PRKN: variants seen among roughly 807,000 people sequenced by gnomAD.
PRKN encodes the protein parkin RBR E3 ubiquitin protein ligase, also known as E3 ubiquitin-protein ligase parkin.
PRKN carries 56 observed loss-of-function variants against 59.5 expected under a neutral mutation model. That is an observed-to-expected ratio of 0.94 (90% CI 0.76 to 1.18). The LOEUF (loss-of-function observed/expected upper bound fraction) is 1.18, where lower values mean the gene tolerates loss of function less well. Among genes scored for constraint, PRKN ranks in the 50% most tolerant of loss-of-function variants. The probability of loss-of-function intolerance (pLI) is 0.00; values close to 1 mark genes in which losing one functional copy is unlikely to be tolerated. For missense variants in PRKN, 657 were observed against 596.4 expected (o/e 1.10, Z -1.06); for synonymous variants, 250 against 222.1 (o/e 1.13, Z -1.12).
intron 1 of PRKN, among the ~76,000 whole-genome samples, chr6:162,694,236 C>CAA (rs149337714): frequency 0.076 from 7,084 of 93,296 alleles, 500 homozygotes; most frequent in East Asian, 0.23. Flanking sequence ...AACAGTGAGA[C>CAA]AAAAAAAAAA....
intron 7 of PRKN, among the ~76,000 whole-genome samples, chr6:161,663,160 G>C (rs984002911): frequency 5.3e-5 from 8 of 152,196 alleles, no homozygotes; most frequent in Non-Finnish European, 8.8e-5. Flanking sequence ...CCAGTCACGT[G>C]GAACTGTGAG....
intron 2 of PRKN, among the ~76,000 whole-genome samples, chr6:162,419,511 G>C (rs1199309611): frequency 1.3e-5 from 2 of 148,268 alleles, no homozygotes; most frequent in Admixed American, 6.8e-5. Flanking sequence ...AAGAAACTGA[G>C]GCACACTAAG....
In PRKN at chr6:161,414,410, A is replaced by G. The variant is rs1436887080; in HGVS notation, c.1084-27533T>C. On this transcript the variant is annotated intron_variant, in intron 9 of 11. Coordinates refer to ENST00000366898, the MANE Select transcript of PRKN (RefSeq NM_004562.3). This position sits in a 1 kb window ranked among gnomAD's most constrained non-coding sequence, Gnocchi z 5.3. The stretch of plus-strand genomic sequence containing the variant: ...CCAGGCAAAGGTTTCTGCCTGAGAC[A>G]GTCCTTGGCCTCCAGCCACGGCTTC... 6.6e-6 allele frequency among the ~76,000 whole-genome samples: 1 copy of G among 152,218 alleles called. No individual in the cohort carries two copies. Among genetic ancestry groups the G allele is most frequent in the African/African-American group, 2.4e-5 (1 of 41,440 alleles).
At chr6:162,569,490 G>C (rs931130560) in intron 1 of PRKN, 1 of 690,938 alleles carries the variant, frequency 1.4e-6, no homozygotes, top group Non-Finnish European at 2.7e-6. Context: ...CTGGAGTCTG[G>C]GATGCAGAAC....
intron 1 of PRKN, among the ~76,000 whole-genome samples, chr6:162,724,499 T>C (rs1014325757): frequency 1.3e-5 from 2 of 152,242 alleles, no homozygotes; most frequent in Non-Finnish European, 2.9e-5. Context: ...AGGAAACCCA[T>C]CTTTACGTTT....
In PRKN at chr6:161,378,339, C is replaced by T. The variant is rs1489797076; in HGVS notation, c.1167+8455G>A. Among the ~76,000 whole-genome samples, 2 of 152,170 alleles carry T rather than the reference C, an allele frequency of 1.3e-5. No homozygotes were observed. The highest frequency in any genetic ancestry group is 2.9e-5 in the Non-Finnish European group (2 of 68,026). The stretch of plus-strand genomic sequence containing the variant: ...GGAAGCGTGGTGGTGAGGTGAAGCC[C>T]TGCCAGGCCCCCCAGCTCGGGCATC... On this transcript the variant is annotated intron_variant, in intron 10 of 11. Transcript: ENST00000366898. This position sits in a 1 kb window ranked among gnomAD's most constrained non-coding sequence, Gnocchi z 7.3.
intron 4 of PRKN, among the ~76,000 whole-genome samples, chr6:162,181,781 C>G (rs1358653766): frequency 6.6e-6 from 1 of 152,166 alleles, no homozygotes; most frequent in African/African-American, 2.4e-5. Flanking sequence ...CAGCTTCCAA[C>G]TATCCCTGCC....
chr6:161,800,297 C>T (rs1583180311), intron 6 of PRKN, among the ~76,000 whole-genome samples: 2 of 152,254 alleles, frequency 1.3e-5, no homozygotes, highest in East Asian at 3.9e-4. Context: ...CCTAGCTTTG[C>T]TTTCCTACTA....
intron 5 of PRKN, among the ~76,000 whole-genome samples, chr6:162,021,119 CATATATATATATATATATATAT>C (rs869269519): frequency 0.2 from 9,123 of 46,546 alleles, 1,343 homozygotes; most frequent in Middle Eastern, 0.44. Context: ...AAAACAAAAA[CATATATATATATATATATATAT>C]ATATATATAT....
chr6:162,514,404 T>A (rs1777758351), intron 1 of PRKN, among the ~76,000 whole-genome samples: 1 of 152,170 alleles, frequency 6.6e-6, no homozygotes, highest in Non-Finnish European at 1.5e-5. Context: ...TGAGTCGCCC[T>A]GTATGATAAA....
intron 3 of PRKN, among the ~76,000 whole-genome samples, chr6:162,215,506 T>C (rs767068790): frequency 1.3e-5 from 2 of 152,210 alleles, no homozygotes; most frequent in African/African-American, 4.8e-5. Context: ...CAGCTTCTGT[T>C]ATCTGGTGAT....
intron 1 of PRKN, among the ~76,000 whole-genome samples, chr6:162,718,329 G>A (rs1160065990): frequency 6.6e-6 from 1 of 152,032 alleles, no homozygotes; most frequent in Non-Finnish European, 1.5e-5. Flanking sequence ...AAGCCAGAAG[G>A]GACTTTTAAT....
At chr6:162,433,570 G>GAGA (rs57576196) in intron 2 of PRKN, among the ~76,000 whole-genome samples, 59,578 of 151,854 alleles carry the variant, frequency 0.39, 12,976 homozygotes, top group African/African-American at 0.6. Context: ...TCCTCAAAAT[G>GAGA]AGAATTGACT....
chr6:161,447,414 G>A lies in PRKN; in HGVS notation c.1084-60537C>T, dbSNP rs1428873685. 6.6e-6 allele frequency among the ~76,000 whole-genome samples: 1 copy of A among 152,210 alleles called. No individual in the cohort carries two copies. Among genetic ancestry groups the A allele is most frequent in the Non-Finnish European group, 1.5e-5 (1 of 68,040 alleles). ...TAGTTATAAATAACTTTTCTTCTGT[G>A]TATTGGTTTAAGTTTAGAAAAGGCC... is the stretch of plus-strand genomic sequence containing the variant. On this transcript the variant is annotated intron_variant, in intron 9 of 11. Coordinates refer to ENST00000366898, the MANE Select transcript of PRKN (RefSeq NM_004562.3). This position sits in a 1 kb window ranked among gnomAD's most constrained non-coding sequence, Gnocchi z 4.1.
chr6:162,672,861 T>G (rs1302377074), intron 1 of PRKN, among the ~76,000 whole-genome samples: 1 of 152,174 alleles, frequency 6.6e-6, no homozygotes, highest in Non-Finnish European at 1.5e-5. Flanking sequence ...TACTTATCAC[T>G]GTCAATACAT....
At chr6:162,157,190 C>G (rs1324074775) in intron 4 of PRKN, among the ~76,000 whole-genome samples, 4 of 151,792 alleles carry the variant, frequency 2.6e-5, no homozygotes. Context: ...CTATTCTCTT[C>G]TCCTCTGCCT....
At chr6:162,569,512 T>C (rs1780222047) in intron 1 of PRKN, 8 of 701,684 alleles carry the variant, frequency 1.1e-5, no homozygotes, top group South Asian at 1.1e-4. Flanking sequence ...TGAGTATCCA[T>C]ACAAAGACCA....
intron 4 of PRKN, among the ~76,000 whole-genome samples, chr6:162,185,780 C>T (rs1435438079): frequency 6.6e-6 from 1 of 152,050 alleles, no homozygotes; most frequent in Non-Finnish European, 1.5e-5. Context: ...GCCTTCAAAA[C>T]ATAAATCAAA....
chr6:161,529,589 C>A lies in PRKN; in HGVS notation c.1083+19265G>T, dbSNP rs1158995782. 6.6e-6 allele frequency among the ~76,000 whole-genome samples: 1 copy of A among 152,306 alleles called. No individual in the cohort carries two copies. Among genetic ancestry groups the A allele is most frequent in the African/African-American group, 2.4e-5 (1 of 41,566 alleles). Reference sequence around the variant, plus strand: ...CAGTTCCAGTAATAAAACATCTAAACCTCCATATTTGGACGAAGTATAGTC... The same window carrying A: ...CAGTTCCAGTAATAAAACATCTAAAACTCCATATTTGGACGAAGTATAGTC... On this transcript the variant is annotated intron_variant, in intron 9 of 11. Transcript: ENST00000366898. The surrounding 1 kb of genome is among the most constrained non-coding windows in gnomAD (Gnocchi z 4.4).
Sources: gnomAD v4.1 joint callset for allele counts (sites outside exome capture counted in the v4.1 genomes callset) on GRCh38, gnomAD v4.1.1 for gene constraint, Gnocchi (gnomAD v3.1) non-coding constraint, MANE v1.5 for transcripts, NCBI Gene and HGNC (gene_info 2026-07-23, HGNC 2026-07-21) for gene names.